The following TTC31 variants were observed in gnomAD, a reference collection of about 807,000 sequenced individuals.
The protein encoded by TTC31 is tetratricopeptide repeat domain 31, also known as tetratricopeptide repeat protein 31.
TTC31 carries 59 observed loss-of-function variants against 60.4 expected under a neutral mutation model. The ratio of observed to expected loss-of-function variants is 0.98; its 90% CI spans 0.79 to 1.21. The LOEUF (loss-of-function observed/expected upper bound fraction) is 1.21, where lower values mean the gene tolerates loss of function less well. Ranked by LOEUF, TTC31 falls within the 50% of genes most tolerant of loss-of-function variation. TTC31 has a pLI of 0.00. For synonymous variants in TTC31, 225 were observed against 249.6 expected (o/e 0.90, Z 0.93); for missense variants, 672 against 646.9 (o/e 1.04, Z -0.42).
In TTC31 at chr2:74,493,460, C is replaced by G; in HGVS notation, c.*242C>G. On this transcript the variant is annotated 3_prime_UTR_variant, in exon 13 of 13. Coordinates refer to ENST00000233623, the MANE Select transcript of TTC31 (RefSeq NM_022492.6). Reference sequence around the variant, plus strand: ...AGGCAGTAAGGAAAAATAAAACCCACCAAGGCTCAAGAAGGGAACTATAGA... The same window carrying G: ...AGGCAGTAAGGAAAAATAAAACCCAGCAAGGCTCAAGAAGGGAACTATAGA... 1 of 512,586 alleles carries G rather than the reference C, an allele frequency of 2.0e-6. No homozygotes were observed. Among genetic ancestry groups the G allele is most frequent in the South Asian group, 3.0e-5 (1 of 33,096 alleles). 31.8% of individuals were successfully genotyped at this position (512,586 alleles called of 1,614,324 possible). A position where few individuals can be genotyped will look rare whatever the true frequency, so the allele number is the denominator to read the frequency against.
rs1259802983 is a variant in TTC31, at chr2:74,493,743, A to G, written c.*525A>G. 1 of 155,936 alleles carries G rather than the reference A, an allele frequency of 6.4e-6. No homozygotes were observed. The highest frequency in any genetic ancestry group is 2.4e-5 in the African/African-American group (1 of 41,468). 9.7% of individuals were successfully genotyped at this position (155,936 alleles called of 1,614,324 possible). ...CATGCCATTTCCTGTCCAGATTGCTATGTATGACTCTGACCTCTCTTGTCC... is the reference window on the plus strand; with the variant it reads ...CATGCCATTTCCTGTCCAGATTGCTGTGTATGACTCTGACCTCTCTTGTCC... On this transcript the variant is annotated 3_prime_UTR_variant, in exon 13 of 13. Transcript: ENST00000233623.
In TTC31 at chr2:74,492,706, G is replaced by A. The variant is rs1020982697; in HGVS notation, c.1222G>A (p.Ala408Thr). The A allele has an allele frequency of 1.6e-5, 26 of 1,614,086 alleles. No individual in the cohort carries two copies. Among genetic ancestry groups the A allele is most frequent in the Middle Eastern group, 1.6e-4 (1 of 6,084 alleles). The change falls in exon 12 of 13, where the codon GCA becomes ACA. Residue 408 changes from alanine (A) to threonine (T), a missense_variant. Transcript: ENST00000233623. The stretch of plus-strand genomic sequence containing the variant: ...TCTGAGAGGTGGGTCCCAGCCTGAC[G>A]CAGCCCGAGAGCTCCGCTCTTGCCT... ...ETLRGGSQPD[A>T]ARELRSCLLH...
In TTC31 at chr2:74,493,072, C is replaced by T. The variant is rs747841709; in HGVS notation, c.1414C>T (p.His472Tyr). ...GTCCCCTGGCCTGTCTCCACTCTTG[C>T]ATTATCCTTCATGTCACCGAAGCCA... Reference protein sequence around the residue: ...LRSPGLSPLLHYPSCHRSHPN... With the variant: ...LRSPGLSPLLYYPSCHRSHPN... The change falls in exon 13 of 13, where the codon CAT becomes TAT. Residue 472 changes from histidine to tyrosine, a missense_variant. Transcript: ENST00000233623. 1.9e-6 allele frequency: 3 copies of T among 1,614,166 alleles called. No homozygotes were observed. Among genetic ancestry groups the T allele is most frequent in the East Asian group, 4.5e-5 (2 of 44,886 alleles).
chr2:74,492,395 G>C lies in TTC31; in HGVS notation c.1111G>C (p.Gly371Arg). The C allele has an allele frequency of 6.5e-7, 1 of 1,528,740 alleles. No individual in the cohort carries two copies. Among genetic ancestry groups the C allele is most frequent in the South Asian group, 1.3e-5 (1 of 76,592 alleles). The allele number at this position is 1,528,740 out of a possible 1,614,324, so 94.7% of individuals were successfully genotyped here. ...DAQVALTLRP[G>R]WPRGLFRLGK... ...CCAGGTGGCCCTTACCCTACGGCCT[G>C]GCTGGCCCCGGGGCCTCTTCCGCCT... The change falls in exon 11 of 13, where the codon GGC (glycine) becomes CGC (arginine). Residue 371 changes from glycine to arginine, a missense_variant. By Grantham distance (125) the Gly-to-Arg change is moderately radical (BLOSUM62 -2). Coordinates refer to ENST00000233623, the MANE Select transcript of TTC31 (RefSeq NM_022492.6).
At chr2:74,492,607 A>G in intron 11 of TTC31, 39 bp from the exon 12 acceptor site, 1 of 1,610,808 alleles carries the variant, frequency 6.2e-7, no homozygotes, top group South Asian at 1.1e-5. Flanking sequence ...AAGCACCTTG[A>G]CACCTAATCT....
chr2:74,490,608 C>T (rs1171923156), intron 4 of TTC31, 48 bp from the exon 5 acceptor site: 2 of 1,596,462 alleles, frequency 1.3e-6, no homozygotes, highest in Non-Finnish European at 8.6e-7. Flanking sequence ...GTTTGCTCTC[C>T]ATTTCCCTGT....
chr2:74,491,040 G>A (rs1452154136), intron 5 of TTC31, 88 bp from the exon 6 acceptor site: 1 of 1,543,758 alleles, frequency 6.5e-7, no homozygotes, highest in African/African-American at 1.4e-5. Flanking sequence ...GTCTCATAGA[G>A]CTGCAAAGAT....
Position 74,483,428 on chromosome 2 carries a change from T to C in TTC31, c.129+18T>C. 1 of 1,614,152 alleles carries C rather than the reference T, an allele frequency of 6.2e-7. No homozygotes were observed. The highest frequency in any genetic ancestry group is 8.5e-7 in the Non-Finnish European group (1 of 1,180,016). The stretch of plus-strand genomic sequence containing the variant: ...GCGAAGAGGTAAAAGCGACCCTCAG[T>C]TTCCCCCAGTCCTGCTCATTTTGGT... On this transcript the variant is annotated intron_variant, in intron 2 of 12. Transcript: ENST00000233623.
In TTC31 at chr2:74,493,364, G is replaced by C; in HGVS notation, c.*146G>C. ...CCTGGCAGTCATTCCTCTTGCCATG[G>C]GGAAGCTTCTGATGAGAGAAAGGAG... On this transcript the variant is annotated 3_prime_UTR_variant, in exon 13 of 13. Coordinates refer to ENST00000233623, the MANE Select transcript of TTC31 (RefSeq NM_022492.6). The C allele has an allele frequency of 1.1e-6, 1 of 873,224 alleles. No homozygotes were observed. Among genetic ancestry groups the C allele is most frequent in the Non-Finnish European group, 1.7e-6 (1 of 589,426 alleles). The allele number at this position is 873,224 out of a possible 1,614,324, so 54.1% of individuals were successfully genotyped here.
rs1297449532 is a variant in TTC31 at position 74,493,566 on chromosome 2, AT to A, written c.*350del. 4.8e-6 allele frequency: 1 copy of A among 207,860 alleles called. No individual in the cohort carries two copies. Among genetic ancestry groups the A allele is most frequent in the African/African-American group, 2.3e-5 (1 of 43,220 alleles). 12.9% of individuals were successfully genotyped at this position (207,860 alleles called of 1,614,324 possible). A position where few individuals can be genotyped will look rare whatever the true frequency, so the allele number is the denominator to read the frequency against. On this transcript the variant is annotated 3_prime_UTR_variant, in exon 13 of 13. Transcript: ENST00000233623. The stretch of plus-strand genomic sequence containing the variant: ...TCTTCCTCTTGGTCCAGGGGACCTC[AT>A]TCACCAACTAGAGCTTGGTGTACAG...
Position 74,490,010 on chromosome 2 carries a change from C to T in TTC31, c.130-15C>T. On this transcript the variant is annotated splice_polypyrimidine_tract_variant and intron_variant, in intron 2 of 12. Transcript: ENST00000233623. ...CCCCAACACCAGCCTCCCCTCCCCTCCCCTCCCCTCCCAGGACATAGTGGA... is the reference window on the plus strand; with the variant it reads ...CCCCAACACCAGCCTCCCCTCCCCTTCCCTCCCCTCCCAGGACATAGTGGA... 2.8e-6 allele frequency: 4 copies of T among 1,403,980 alleles called. No individual in the cohort carries two copies. The highest frequency in any genetic ancestry group is 1.2e-5 in the South Asian group (1 of 81,216). The allele number at this position is 1,403,980 out of a possible 1,614,324, so 87.0% of individuals were successfully genotyped here.
At chr2:74,488,139 C>T (rs1673364017) in intron 2 of TTC31, among the ~76,000 whole-genome samples, 1 of 152,108 alleles carries the variant, frequency 6.6e-6, no homozygotes, top group East Asian at 1.9e-4. Context: ...ACACCTGGCT[C>T]ATTATTTATG....
Position 74,485,469 on chromosome 2 carries a change from CTT to C in TTC31, c.129+2076_129+2077del, listed in dbSNP as rs367876253. Among the ~76,000 whole-genome samples, 527 of 115,256 alleles carry C rather than the reference CTT, an allele frequency of 4.6e-3. 1 individual carries two copies. The highest frequency in any genetic ancestry group is 9.5e-3 in the Middle Eastern group (2 of 210). 75.6% of individuals were successfully genotyped at this position (115,256 alleles called of 152,430 possible). On this transcript the variant is annotated intron_variant, in intron 2 of 12. Transcript: ENST00000233623. ...CCTCATCTTCCCCTGAGCAGTATTT[CTT>C]TTTTTTTTTTTTTTTTGAGATGGAG... is the stretch of plus-strand genomic sequence containing the variant.
intron 12 of TTC31, 50 bp from the exon 13 acceptor site, chr2:74,492,872 G>T: frequency 2.5e-6 from 4 of 1,582,986 alleles, no homozygotes; most frequent in Non-Finnish European, 2.6e-6. Flanking sequence ...AGAGGCATGG[G>T]CTCTCCTGCT....
At position 74,483,145 on chromosome 2, in the gene TTC31, A is replaced by G; in HGVS notation, c.40+10A>G. Reference sequence around the variant, plus strand: ...GGGCGGATCAAGCTAGGTGAGCGGTATGACAAGACCAGTGGGGGTCTAGGA... The same window carrying G: ...GGGCGGATCAAGCTAGGTGAGCGGTGTGACAAGACCAGTGGGGGTCTAGGA... On this transcript the variant is annotated intron_variant, in intron 1 of 12. Transcript: ENST00000233623. 6.2e-7 allele frequency: 1 copy of G among 1,614,214 alleles called. No individual in the cohort carries two copies. The highest frequency in any genetic ancestry group is 8.5e-7 in the Non-Finnish European group (1 of 1,180,028).
rs982606398 is a variant in TTC31, at chr2:74,493,347, T to C, written c.*129T>C. 10 of 985,768 alleles carry C rather than the reference T, an allele frequency of 1.0e-5. No homozygotes were observed. In the African/African-American group the frequency reaches 1.5e-4, roughly 15 times the overall value. 61.1% of individuals were successfully genotyped at this position (985,768 alleles called of 1,614,324 possible). A position where few individuals can be genotyped will look rare whatever the true frequency, so the allele number is the denominator to read the frequency against. The stretch of plus-strand genomic sequence containing the variant: ...TCCATAGTTAATGATGCCCTGGCAG[T>C]CATTCCTCTTGCCATGGGGAAGCTT... On this transcript the variant is annotated 3_prime_UTR_variant, in exon 13 of 13. Transcript: ENST00000233623.
chr2:74,485,970 T>G (rs572751094), intron 2 of TTC31, among the ~76,000 whole-genome samples: 1 of 151,960 alleles, frequency 6.6e-6, no homozygotes, highest in East Asian at 2.0e-4. Flanking sequence ...ACTGACAAGA[T>G]AAAGTCTACA....
At chr2:74,489,464 C>T (rs1019096116) in intron 2 of TTC31, among the ~76,000 whole-genome samples, 2 of 152,136 alleles carry the variant, frequency 1.3e-5, no homozygotes, top group African/African-American at 2.4e-5. Context: ...GGCTCTGAAT[C>T]GTAGGCTGAG....
intron 2 of TTC31, among the ~76,000 whole-genome samples, chr2:74,488,302 A>C (rs1034821393): frequency 2.6e-5 from 4 of 152,204 alleles, no homozygotes; most frequent in Admixed American, 2.6e-4. Context: ...TAGAAAATTG[A>C]ATATACCTTA....
Sources: allele counts gnomAD v4.1 joint callset (sites outside exome capture counted in the v4.1 genomes callset), GRCh38; gene constraint gnomAD v4.1.1; transcripts MANE v1.5; gene names NCBI Gene and HGNC (gene_info 2026-07-23, HGNC 2026-07-21).